SFI1: variants seen among roughly 807,000 people sequenced by gnomAD.
SFI1 encodes protein SFI1 homolog.
A neutral mutation model predicts 207.5 loss-of-function variants in SFI1; 195 were observed. The ratio of observed to expected loss-of-function variants is 0.94; its 90% CI spans 0.84 to 1.06. The LOEUF is 1.06. Among genes scored for constraint, SFI1 ranks in the 50% least tolerant of loss-of-function variants. The pLI, the probability that SFI1 is intolerant of heterozygous loss-of-function variation, is 0.00. For missense variants in SFI1, 1,634 were observed against 1,588.0 expected (o/e 1.03, Z -0.49); for synonymous variants, 630 against 598.9 (o/e 1.05, Z -0.76).
intron 7 of SFI1, chr22:31,559,717 C>A (rs1236676873): frequency 2.4e-6 from 2 of 845,998 alleles, no homozygotes; most frequent in Admixed American, 3.5e-5. Context: ...AGTACAAGAT[C>A]CCAGACTGGT....
At position 31,573,130 on chromosome 22, in the gene SFI1, C is replaced by A. The variant is rs766104101; in HGVS notation, c.838C>A (p.His280Asn). ...ACAAAAGGTTGTCTCTGCAGTGAAA[C>A]ATCATCAGCACTGGCAAAAACGGAG... Reference protein sequence around the residue: ...EKQKVVSAVKHHQHWQKRRFL... With the variant: ...EKQKVVSAVKNHQHWQKRRFL... The change falls in exon 9 of 33, where the codon CAT becomes AAT. Residue 280 changes from histidine (H) to asparagine (N), a missense_variant. By Grantham distance (68) the His-to-Asn change is moderately conservative (BLOSUM62 1). Coordinates refer to ENST00000400288, the MANE Select transcript of SFI1 (RefSeq NM_001007467.3). 2 of 1,613,684 alleles carry A rather than the reference C, an allele frequency of 1.2e-6. No homozygotes were observed. The highest frequency in any genetic ancestry group is 1.7e-6 in the Non-Finnish European group (2 of 1,179,926).
At chr22:31,546,694 C>T (rs1404661243) in intron 4 of SFI1, among the ~76,000 whole-genome samples, 167 bp from the exon 5 acceptor site, 2 of 148,328 alleles carry the variant, frequency 1.3e-5, no homozygotes, top group Non-Finnish European at 3.0e-5. Flanking sequence ...GTCTCGATCT[C>T]CTGACCTTGT....
chr22:31,513,753 G>C (rs769468603), intron 2 of SFI1, among the ~76,000 whole-genome samples: 32 of 151,556 alleles, frequency 2.1e-4, no homozygotes, highest in Non-Finnish European at 4.3e-4. Flanking sequence ...AATTTTTTTT[G>C]AATTTTTAGT....
At chr22:31,508,036 A>G (rs904068681) in intron 1 of SFI1, among the ~76,000 whole-genome samples, 21 of 152,132 alleles carry the variant, frequency 1.4e-4, no homozygotes, top group Admixed American at 1.1e-3. Context: ...AGATCGTGCC[A>G]CTGCACTCCA....
intron 9 of SFI1, 146 bp from the exon 10 acceptor site, chr22:31,575,085 C>CGTGT (rs71679890): frequency 9.5e-5 from 27 of 285,620 alleles, no homozygotes; most frequent in African/African-American, 2.7e-4. Flanking sequence ...AAACTTAGTG[C>CGTGT]GTGTGTGTGT....
chr22:31,575,085 CGTGTGTGTGTGTGTGTGTGTGTGTGT>C (rs71679890), intron 9 of SFI1, 120 bp from the exon 10 acceptor site: 2 of 285,622 alleles, frequency 7.0e-6, no homozygotes, highest in African/African-American at 2.4e-5. Context: ...AAACTTAGTG[CGTGTGTGTGTGTGTGTGTGTGTGTGT>C]GTGTGTGTGT....
At chr22:31,546,996 C>A in intron 5 of SFI1, 25 bp downstream of exon 5, 1 of 1,443,122 alleles carries the variant, frequency 6.9e-7, no homozygotes, top group Non-Finnish European at 9.6e-7. Context: ...TACACTCCTT[C>A]AGTTTTACTG....
intron 2 of SFI1, among the ~76,000 whole-genome samples, chr22:31,511,464 G>GTTTTTTTTTTTTTTTTTTTTTTTTT (rs758898165): frequency 8.7e-6 from 1 of 114,558 alleles, no homozygotes. Flanking sequence ...CATAGTTTCT[G>GTTTTTTTTTTTTTTTTTTTTTTTTT]TTTTTTTTTT....
At chr22:31,542,886 T>C (rs1028650587) in intron 4 of SFI1, among the ~76,000 whole-genome samples, 2 of 151,722 alleles carry the variant, frequency 1.3e-5, no homozygotes, top group African/African-American at 4.8e-5. Context: ...GGTCTCAAAC[T>C]CCTGAGCTCA....
At chr22:31,571,339 GTCTC>G (rs2062925235) in intron 8 of SFI1, among the ~76,000 whole-genome samples, 1 of 152,040 alleles carries the variant, frequency 6.6e-6, no homozygotes, top group Non-Finnish European at 1.5e-5. Context: ...TTGAGACAGG[GTCTC>G]ACTCTGTTGC....
intron 4 of SFI1, among the ~76,000 whole-genome samples, chr22:31,541,743 CAAAA>C (rs71673219): frequency 4.6e-5 from 4 of 86,220 alleles, no homozygotes; most frequent in Admixed American, 2.7e-4. Flanking sequence ...GACTCCATCT[CAAAA>C]AAAAAAAAAA....
intron 15 of SFI1, among the ~76,000 whole-genome samples, chr22:31,590,975 A>ATTTATTTT (rs1556252510): frequency 0.011 from 1,555 of 137,310 alleles, 7 homozygotes; most frequent in Middle Eastern, 0.035. Flanking sequence ...TTATTTATTT[A>ATTTATTTT]TTTATTTTTT....
At chr22:31,602,498 T>G in intron 16 of SFI1, 109 bp from the exon 17 acceptor site, 1 of 1,340,734 alleles carries the variant, frequency 7.5e-7, no homozygotes, top group South Asian at 1.3e-5. Flanking sequence ...CGTCCTGACA[T>G]CCATTCCTTT....
intron 27 of SFI1, 85 bp from the exon 28 acceptor site, chr22:31,614,704 A>G (rs754178207): frequency 1.4e-5 from 21 of 1,479,740 alleles, no homozygotes; most frequent in South Asian, 1.3e-4. Flanking sequence ...CAGTCTCCCT[A>G]TAAAATTGGA....
intron 2 of SFI1, among the ~76,000 whole-genome samples, chr22:31,513,999 T>G (rs28853433): frequency 6.6e-6 from 1 of 151,612 alleles, no homozygotes; most frequent in African/African-American, 2.4e-5. Flanking sequence ...TCTGGCATGG[T>G]GGCATGCTAC....
rs776032854 is a variant in SFI1 at position 31,613,600 on chromosome 22, A to AG, written c.2743dup. 14 of 1,580,034 alleles carry AG rather than the reference A, an allele frequency of 8.9e-6. No homozygotes were observed. The highest frequency in any genetic ancestry group is 1.2e-5 in the Non-Finnish European group (14 of 1,160,630). The stretch of plus-strand genomic sequence containing the variant: ...ATGAGCTGACCAGAGGCTGTGTTGT[A>AG]GGCGGCTCACAGTCTCCATCGTGCC... On this transcript the variant is annotated splice_acceptor_variant, in intron 26 of 32. Transcript: ENST00000400288. LOFTEE classifies it high-confidence loss of function.
At chr22:31,508,435 A>G (rs762811616) in intron 2 of SFI1, 59 bp downstream of exon 2, 17 of 1,243,318 alleles carry the variant, frequency 1.4e-5, no homozygotes, top group Non-Finnish European at 1.8e-5. Flanking sequence ...ATAAAACTAA[A>G]CATTTTGTGT....
Position 31,583,902 on chromosome 22 carries a change from C to T in SFI1, c.1276C>T (p.Arg426Trp), listed in dbSNP as rs762410102. ...TLLHRFWNLW[R>W]SQIEQKKERE... is the part of the protein sequence containing the mutation. ...GCTGCACAGGTTCTGGAACCTCTGG[C>T]GGTCTCAGATTGAGCAGAAAAAGGA... is the stretch of plus-strand genomic sequence containing the variant. The change falls in exon 13 of 33, where the codon CGG becomes TGG. Residue 426 changes from arginine (R) to tryptophan (W), a missense_variant. By Grantham distance (101) the Arg-to-Trp change is moderately radical. Transcript: ENST00000400288. 82 of 1,614,068 alleles carry T rather than the reference C, an allele frequency of 5.1e-5. No individual in the cohort carries two copies. The highest frequency in any genetic ancestry group is 8.3e-5 in the Admixed American group (5 of 60,002).
intron 8 of SFI1, 109 bp from the exon 9 acceptor site, chr22:31,572,949 C>G: frequency 8.6e-7 from 1 of 1,160,410 alleles, no homozygotes; most frequent in Non-Finnish European, 1.2e-6. Context: ...TTCCTTGTTT[C>G]TAATTTCAGC....
Sources: allele counts gnomAD v4.1 joint callset (sites outside exome capture counted in the v4.1 genomes callset), GRCh38; gene constraint gnomAD v4.1.1; transcripts MANE v1.5; gene names NCBI Gene and HGNC (gene_info 2026-07-23, HGNC 2026-07-21).